The following FHIT variants were observed in gnomAD, a reference collection of about 807,000 sequenced individuals.
FHIT encodes fragile histidine triad diadenosine triphosphatase, also known as bis(5'-adenosyl)-triphosphatase.
FHIT carries 19 observed loss-of-function variants against 17.9 expected under a neutral mutation model. The observed-to-expected ratio is 1.06, with a 90% confidence interval of 0.74 to 1.56. The LOEUF (loss-of-function observed/expected upper bound fraction) is 1.56. FHIT is among the 40% of genes most tolerant of loss of function. The pLI, the probability that FHIT is intolerant of heterozygous loss-of-function variation, is 0.00. For missense variants in FHIT, 248 were observed against 189.2 expected (o/e 1.31, Z -1.82); for synonymous variants, 81 against 69.7 (o/e 1.16, Z -0.81).
intron 3 of FHIT, among the ~76,000 whole-genome samples, chr3:60,851,784 A>G (rs1029593261): frequency 1.3e-5 from 2 of 152,158 alleles, no homozygotes; most frequent in African/African-American, 4.8e-5. Context: ...ATTGCCTTAC[A>G]AGTTCAATTT....
At chr3:59,931,434 G>A (rs1176469904) in intron 7 of FHIT, among the ~76,000 whole-genome samples, 2 of 152,114 alleles carry the variant, frequency 1.3e-5, no homozygotes, top group Non-Finnish European at 2.9e-5. Flanking sequence ...CCACTTACAG[G>A]ACTTTGAGGA....
chr3:60,049,823 G>T (rs915008919), intron 5 of FHIT, among the ~76,000 whole-genome samples: 1 of 152,042 alleles, frequency 6.6e-6, no homozygotes, highest in East Asian at 1.9e-4. Context: ...ACTACTACAA[G>T]TATTCTATAA....
chr3:59,960,106 A>C (rs2107341042), intron 7 of FHIT, among the ~76,000 whole-genome samples: 1 of 152,272 alleles, frequency 6.6e-6, no homozygotes, highest in Middle Eastern at 3.4e-3. Context: ...AACCACTGAA[A>C]AATTTGAGAG....
intron 5 of FHIT, among the ~76,000 whole-genome samples, chr3:60,404,875 G>A (rs1701793760): frequency 6.6e-6 from 1 of 152,130 alleles, no homozygotes; most frequent in Non-Finnish European, 1.5e-5. Context: ...TTCAGCAAGG[G>A]CAAGGAAGGA....
chr3:60,881,350 C>G (rs1246269728), intron 3 of FHIT, among the ~76,000 whole-genome samples: 2 of 152,264 alleles, frequency 1.3e-5, no homozygotes, highest in Admixed American at 6.5e-5. Context: ...TAGTTGGGGA[C>G]CCCACTCTCA....
At chr3:60,212,908 C>T (rs1703524586) in intron 5 of FHIT, among the ~76,000 whole-genome samples, 1 of 152,136 alleles carries the variant, frequency 6.6e-6, no homozygotes, top group Non-Finnish European at 1.5e-5. Flanking sequence ...CCAAGTGGAG[C>T]AGCTGTCTAT....
At chr3:60,152,433 G>C (rs1398094869) in intron 5 of FHIT, among the ~76,000 whole-genome samples, 1 of 152,178 alleles carries the variant, frequency 6.6e-6, no homozygotes, top group East Asian at 1.9e-4. Context: ...GTTTCTCCAG[G>C]AGGGAAAGCA....
chr3:59,978,628 T>C (rs926809738), intron 7 of FHIT, among the ~76,000 whole-genome samples: 3 of 151,028 alleles, frequency 2.0e-5, no homozygotes, highest in African/African-American at 7.3e-5. Flanking sequence ...AACGGGGCTT[T>C]GGGGAGCTGC....
intron 5 of FHIT, among the ~76,000 whole-genome samples, chr3:60,071,282 C>T (rs2630197): frequency 0.32 from 48,668 of 152,066 alleles, 8,768 homozygotes; most frequent in African/African-American, 0.48. Flanking sequence ...TCATAATTTT[C>T]TACACAGCTT....
chr3:59,980,638 A>T (rs1708612286), intron 7 of FHIT, among the ~76,000 whole-genome samples: 1 of 152,184 alleles, frequency 6.6e-6, no homozygotes, highest in Non-Finnish European at 1.5e-5. Flanking sequence ...GGCCAGGCCA[A>T]GGATAGCTTG....
intron 4 of FHIT, among the ~76,000 whole-genome samples, chr3:60,623,133 T>A (rs2107756657): frequency 6.6e-6 from 1 of 152,318 alleles, no homozygotes; most frequent in African/African-American, 2.4e-5. Context: ...ACATAGTAGA[T>A]ACGTAACAAG....
chr3:60,278,864 A>G (rs1223356392), intron 5 of FHIT, among the ~76,000 whole-genome samples: 10 of 152,186 alleles, frequency 6.6e-5, no homozygotes, highest in Non-Finnish European at 1.0e-4. Flanking sequence ...AGCTTAGCAA[A>G]ATTTGTGGAA....
intron 2 of FHIT, chr3:61,165,426 T>C (rs1188861905): frequency 1.3e-5 from 2 of 152,668 alleles, no homozygotes; most frequent in Non-Finnish European, 2.9e-5. Context: ...TGTTGGCCAC[T>C]TGTATGTCTT....
intron 5 of FHIT, among the ~76,000 whole-genome samples, chr3:60,068,279 G>T (rs1273986472): frequency 6.6e-6 from 1 of 151,988 alleles, no homozygotes; most frequent in Non-Finnish European, 1.5e-5. Context: ...TTTTTGGCAG[G>T]TCCCAATGTC....
chr3:60,855,274 T>C (rs1198834537), intron 3 of FHIT, among the ~76,000 whole-genome samples: 1 of 152,160 alleles, frequency 6.6e-6, no homozygotes, highest in East Asian at 1.9e-4. Context: ...TATTCAGTAG[T>C]AGGCATGTGA....
chr3:60,026,918 G>C (rs1016302811), intron 5 of FHIT, among the ~76,000 whole-genome samples: 3 of 151,910 alleles, frequency 2.0e-5, no homozygotes, highest in African/African-American at 7.3e-5. Context: ...AGCCAACATG[G>C]TGCAATCCTG....
At chr3:60,714,562 A>G (rs2041630037) in intron 4 of FHIT, among the ~76,000 whole-genome samples, 2 of 152,206 alleles carry the variant, frequency 1.3e-5, no homozygotes, top group South Asian at 2.1e-4. Flanking sequence ...AATCTCCTTA[A>G]GCTGATAAGC....
intron 5 of FHIT, among the ~76,000 whole-genome samples, chr3:60,262,550 C>T (rs1464110241): frequency 1.3e-5 from 2 of 152,030 alleles, no homozygotes; most frequent in Non-Finnish European, 2.9e-5. Flanking sequence ...ATAATTTTCA[C>T]AAAATGTGCA....
intron 5 of FHIT, among the ~76,000 whole-genome samples, chr3:60,474,782 C>T (rs950005519): frequency 6.6e-6 from 1 of 152,058 alleles, no homozygotes; most frequent in Non-Finnish European, 1.5e-5. Flanking sequence ...TGCCACCACA[C>T]CCAGCTACTT....
Sources: gnomAD v4.1 joint callset for allele counts (sites outside exome capture counted in the v4.1 genomes callset) on GRCh38, gnomAD v4.1.1 for gene constraint, MANE v1.5 for transcripts, NCBI Gene and HGNC (gene_info 2026-07-23, HGNC 2026-07-21) for gene names.